The following IFT70A variants were observed in gnomAD, a reference collection of about 807,000 sequenced individuals.
IFT70A encodes intraflagellar transport protein 70A.
the IFT70A span, chr2:177,617,972 C>T: frequency 1.2e-6 from 2 of 1,614,156 alleles, no homozygotes; most frequent in Admixed American, 3.3e-5. Flanking sequence ...TGATGGAGAA[C>T]TAAGGTGTTG....
the IFT70A span, chr2:177,617,307 A>G: frequency 4.9e-4 from 773 of 1,584,438 alleles, 1 homozygote; most frequent in Non-Finnish European, 6.5e-4. Flanking sequence ...ACAGAACATG[A>G]GCCACATTCA....
At chr2:177,616,444 ATGT>A in the IFT70A span, 2 of 307,870 alleles carry the variant, frequency 6.5e-6, no homozygotes, top group Non-Finnish European at 1.2e-5. Flanking sequence ...TTATACAAAG[ATGT>A]TACTCTAGCA....
At chr2:177,613,224 A>G in the IFT70A span, 1 of 152,244 alleles carries the variant, frequency 6.6e-6, no homozygotes, top group Non-Finnish European at 1.5e-5. Context: ...TTCTAGAAAC[A>G]AAAATATTGT....
At chr2:177,618,149 C>A in the IFT70A span, 1 of 1,614,200 alleles carries the variant, frequency 6.2e-7, no homozygotes, top group Non-Finnish European at 8.5e-7. Context: ...GGCTGGTAGC[C>A]CGAGGCCTGC....
the IFT70A span, chr2:177,618,301 C>T: frequency 1.9e-6 from 3 of 1,614,162 alleles, no homozygotes; most frequent in African/African-American, 1.3e-5. Flanking sequence ...CTCCACCAGG[C>T]TCCTGGACCC....
chr2:177,616,696 A>G, the IFT70A span: 24 of 1,459,138 alleles, frequency 1.6e-5, 1 homozygote, highest in East Asian at 1.5e-4. Context: ...AGCCACTATC[A>G]GTCATAACTA....
At chr2:177,616,634 G>A in the IFT70A span, 1 of 1,329,026 alleles carries the variant, frequency 7.5e-7, no homozygotes, top group Non-Finnish European at 1.0e-6. Context: ...AGATGCCAAG[G>A]CTAAATACAG....
the IFT70A span, chr2:177,613,306 GTA>G: frequency 2.0e-5 from 3 of 152,188 alleles, no homozygotes; most frequent in Non-Finnish European, 4.4e-5. Context: ...GCATATGTGA[GTA>G]TGTGGTATTG....
At chr2:177,618,687 G>C in the IFT70A span, 105 of 1,582,012 alleles carry the variant, frequency 6.6e-5, no homozygotes, top group Middle Eastern at 3.4e-4. Flanking sequence ...TCTGCGCGCC[G>C]CTCAGACCAG....
At chr2:177,617,626 T>C in the IFT70A span, 38 of 1,614,096 alleles carry the variant, frequency 2.4e-5, no homozygotes, top group Non-Finnish European at 2.9e-5. Flanking sequence ...TAAGAAGTCA[T>C]AGAGATAGGG....
the IFT70A span, chr2:177,618,438 G>C: frequency 6.8e-6 from 11 of 1,607,486 alleles, no homozygotes; most frequent in Admixed American, 1.7e-5. Flanking sequence ...CCTTGTACAG[G>C]GCCTGGGCCT....
the IFT70A span, chr2:177,617,169 T>C: frequency 1.2e-6 from 2 of 1,607,236 alleles, no homozygotes; most frequent in East Asian, 2.2e-5. Flanking sequence ...CATTTTGACT[T>C]GTCATAATAT....
At chr2:177,618,025 C>G in the IFT70A span, 1 of 1,614,006 alleles carries the variant, frequency 6.2e-7, no homozygotes, top group East Asian at 2.2e-5. Context: ...CATGCCCACA[C>G]CTAGCTCAGG....
the IFT70A span, chr2:177,617,497 T>C: frequency 1.9e-6 from 3 of 1,614,222 alleles, no homozygotes; most frequent in Admixed American, 3.3e-5. Flanking sequence ...ATCTCTGTTG[T>C]GTCTTGCTTC....
At chr2:177,617,671 G>T in the IFT70A span, 1 of 1,614,216 alleles carries the variant, frequency 6.2e-7, no homozygotes, top group South Asian at 1.1e-5. Context: ...GGCATTTTCT[G>T]CCAGGACATC....
the IFT70A span, chr2:177,616,722 AATC>A: frequency 2.0e-6 from 3 of 1,532,978 alleles, no homozygotes; most frequent in Non-Finnish European, 2.6e-6. Context: ...TCCATCCTAT[AATC>A]TCATAAATCA....
chr2:177,614,547 T>C, the IFT70A span: 1 of 152,218 alleles, frequency 6.6e-6, no homozygotes, highest in Non-Finnish European at 1.5e-5. Flanking sequence ...CAATATATGT[T>C]ATCTTGTTTT....
At chr2:177,613,501 T>C in the IFT70A span, 1 of 152,304 alleles carries the variant, frequency 6.6e-6, no homozygotes, top group East Asian at 1.9e-4. Flanking sequence ...CTATAGTGTA[T>C]GGTTTTGGAA....
chr2:177,617,697 A>G, the IFT70A span: 1 of 1,614,100 alleles, frequency 6.2e-7, no homozygotes, highest in East Asian at 2.2e-5. Context: ...CCAGGTCAAA[A>G]TACTCATATT....
Sources: gnomAD v4.1 joint callset for allele counts on GRCh38, gnomAD v4.1.1 for gene constraint, MANE v1.5 for transcripts, NCBI Gene and HGNC (gene_info 2026-07-23, HGNC 2026-07-21) for gene names.